Variants in C16orf95 observed in about 807,000 individuals in gnomAD.
C16orf95 encodes chromosome 16 open reading frame 95.
C16orf95 carries 41 observed loss-of-function variants against 32.1 expected under a neutral mutation model. The ratio of observed to expected loss-of-function variants is 1.28; its 90% CI spans 1.00 to 1.66. The LOEUF is 1.66. Among genes scored for constraint, C16orf95 ranks in the 40% most tolerant of loss-of-function variants. The pLI, the probability that C16orf95 is intolerant of heterozygous loss-of-function variation, is 0.00. For missense variants in C16orf95, 399 were observed against 325.9 expected (o/e 1.22, Z -1.73); for synonymous variants, 147 against 128.9 (o/e 1.14, Z -0.95).
At chr16:87,316,714 C>G (rs538121090) in intron 1 of C16orf95, among the ~76,000 whole-genome samples, 1 of 152,044 alleles carries the variant, frequency 6.6e-6, no homozygotes, top group African/African-American at 2.4e-5. Flanking sequence ...ACTGCCCAGC[C>G]TGGAAAGCTG....
At chr16:87,304,291 A>G (rs4448950) in intron 6 of C16orf95, among the ~76,000 whole-genome samples, 106 of 87,408 alleles carry the variant, frequency 1.2e-3, no homozygotes, top group African/African-American at 4.8e-3. Flanking sequence ...ATCCAGGTGT[A>G]GGCCACCACA....
At chr16:87,315,224 T>C (rs1904310033) in intron 2 of C16orf95, 128 bp from the exon 3 acceptor site, 2 of 982,312 alleles carry the variant, frequency 2.0e-6, no homozygotes, top group African/African-American at 1.6e-5. Context: ...CAGCTCCTAC[T>C]GCAGCTTGGA....
In C16orf95 at chr16:87,303,074, G is replaced by C; in HGVS notation, c.703C>G (p.Gln235Glu). ...TTCCAACTTCAAACCCCAAAACACT[G>C]GCTGGAAAGCAAAGAGAGACAGTTA... Reference protein sequence around the residue: ...AIPRVIMAIRQCFGV With the variant: ...AIPRVIMAIRECFGV Residue 235 changes from glutamine (Q) to glutamate (E), a missense_variant and splice_region_variant, in exon 7 of 7, where the codon CAG becomes GAG. Gln to Glu is a conservative substitution (Grantham distance 29). Transcript: ENST00000567970. The C allele has an allele frequency of 6.5e-7, 1 of 1,536,066 alleles. No homozygotes were observed. Among genetic ancestry groups the C allele is most frequent in the South Asian group, 1.2e-5 (1 of 84,060 alleles).
chr16:87,306,063 G>GATAAAGGCC, intron 5 of C16orf95, 158 bp from the exon 6 acceptor site: 1 of 482,124 alleles, frequency 2.1e-6, no homozygotes, highest in Non-Finnish European at 3.5e-6. Context: ...GAGCTCACGA[G>GATAAAGGCC]ATAAAGGCCG....
Position 87,315,133 on chromosome 16 carries a change from T to C in C16orf95, c.205-37A>G, listed in dbSNP as rs1324609850. On this transcript the variant is annotated intron_variant, in intron 2 of 6. Coordinates refer to ENST00000567970, the MANE Select transcript of C16orf95 (RefSeq NM_001195124.3). ...CCAGAAATGACAGAACTGAGCTTGA[T>C]GCTGCATTTGCAGGGAGACAGGAGG... 3.9e-6 allele frequency: 6 copies of C among 1,531,584 alleles called. No individual in the cohort carries two copies. In the Admixed American group the frequency reaches 7.9e-5, roughly 20 times the overall value. 94.9% of individuals were successfully genotyped at this position (1,531,584 alleles called of 1,614,324 possible). A position where few individuals can be genotyped will look rare whatever the true frequency, so the allele number is the denominator to read the frequency against.
intron 6 of C16orf95, 64 bp from the exon 7 acceptor site, chr16:87,303,139 G>C: frequency 6.6e-7 from 1 of 1,506,260 alleles, no homozygotes; most frequent in Non-Finnish European, 8.9e-7. Flanking sequence ...TGCCCTCAGC[G>C]CGTGCCCTTG....
chr16:87,317,079 G>A lies in C16orf95; in HGVS notation c.152+12C>T. ...GTCGGGTAGCCGCGGGCAGGATTCA[G>A]GACTCACTTGCCTGCCATCCTGCGC... On this transcript the variant is annotated intron_variant, in intron 1 of 6. Transcript: ENST00000567970. 1 of 1,513,210 alleles carries A rather than the reference G, an allele frequency of 6.6e-7. No homozygotes were observed. The highest frequency in any genetic ancestry group is 8.8e-7 in the Non-Finnish European group (1 of 1,133,346). The allele number at this position is 1,513,210 out of a possible 1,614,324, so 93.7% of individuals were successfully genotyped here.
At chr16:87,316,436 A>T (rs1255192821) in intron 1 of C16orf95, among the ~76,000 whole-genome samples, 1 of 152,166 alleles carries the variant, frequency 6.6e-6, no homozygotes, top group Admixed American at 6.5e-5. Context: ...AGTGGGTCAA[A>T]GTGCTTTGTA....
At chr16:87,307,881 C>G (rs1911096925) in intron 5 of C16orf95, among the ~76,000 whole-genome samples, 1 of 152,228 alleles carries the variant, frequency 6.6e-6, no homozygotes, top group South Asian at 2.1e-4. Flanking sequence ...CTTGAAAGAG[C>G]TGAGGGTCCT....
At chr16:87,311,804 T>A (rs760783371) in intron 3 of C16orf95, among the ~76,000 whole-genome samples, 5 of 152,230 alleles carry the variant, frequency 3.3e-5, no homozygotes, top group Non-Finnish European at 5.9e-5. Context: ...CAAAGTGTCC[T>A]ATGCACAGAA....
At chr16:87,308,523 C>T (rs1360998593) in intron 5 of C16orf95, among the ~76,000 whole-genome samples, 7 of 149,998 alleles carry the variant, frequency 4.7e-5, no homozygotes, top group African/African-American at 1.7e-4. Context: ...AATAAATAAG[C>T]AGATGTTACC....
rs151190753 is a variant in C16orf95, at chr16:87,309,004, C to T, written c.514+1293G>A. Among the ~76,000 whole-genome samples, 58 of 152,292 alleles carry T rather than the reference C, an allele frequency of 3.8e-4. No individual in the cohort carries two copies. In the South Asian group the frequency reaches 0.011, roughly 30 times the overall value. ...TCACAAACTGATGTGGATGGGCTGGCGATGCAGGCTGCACCTTCAACATCG... is the reference window on the plus strand; with the variant it reads ...TCACAAACTGATGTGGATGGGCTGGTGATGCAGGCTGCACCTTCAACATCG... On this transcript the variant is annotated intron_variant, in intron 5 of 6. Coordinates refer to ENST00000567970, the MANE Select transcript of C16orf95 (RefSeq NM_001195124.3).
chr16:87,316,770 C>T (rs1343598321), intron 1 of C16orf95, among the ~76,000 whole-genome samples: 1 of 152,154 alleles, frequency 6.6e-6, no homozygotes. Context: ...AATCTGATAA[C>T]ATGTAAACCT....
chr16:87,303,010 T>C lies in C16orf95; in HGVS notation c.*47A>G, dbSNP rs1449185479. The stretch of plus-strand genomic sequence containing the variant: ...GGTGGACTCTCAAAGATCTTGATCG[T>C]GACACATTTTTGTGGCTGTTCTTGA... On this transcript the variant is annotated 3_prime_UTR_variant, in exon 7 of 7. Coordinates refer to ENST00000567970, the MANE Select transcript of C16orf95 (RefSeq NM_001195124.3). The C allele has an allele frequency of 6.5e-7, 1 of 1,531,528 alleles. No individual in the cohort carries two copies. Among genetic ancestry groups the C allele is most frequent in the Admixed American group, 2.0e-5 (1 of 50,996 alleles). The allele number at this position is 1,531,528 out of a possible 1,614,324, so 94.9% of individuals were successfully genotyped here.
At chr16:87,313,504 C>A (rs974608666) in intron 3 of C16orf95, among the ~76,000 whole-genome samples, 19 of 152,080 alleles carry the variant, frequency 1.2e-4, no homozygotes, top group African/African-American at 4.6e-4. Context: ...GAGGCCGAGG[C>A]GGGTGGGTCA....
rs1335521429 is a variant in C16orf95 at position 87,305,938 on chromosome 16, C to T, written c.515-33G>A. 6 of 1,386,590 alleles carry T rather than the reference C, an allele frequency of 4.3e-6. No individual in the cohort carries two copies. Among genetic ancestry groups the T allele is most frequent in the South Asian group, 3.1e-5 (2 of 64,042 alleles). 85.9% of individuals were successfully genotyped at this position (1,386,590 alleles called of 1,614,324 possible). A position where few individuals can be genotyped will look rare whatever the true frequency, so the allele number is the denominator to read the frequency against. ...AAGAAAAGGTGGGTTGAGGACAGGGCGTGTTCTCCGGGACTCTGTGAGCCA... is the reference window on the plus strand; with the variant it reads ...AAGAAAAGGTGGGTTGAGGACAGGGTGTGTTCTCCGGGACTCTGTGAGCCA... On this transcript the variant is annotated intron_variant, in intron 5 of 6. Transcript: ENST00000567970. The surrounding 1 kb of genome is among the most constrained non-coding windows in gnomAD (Gnocchi z 4.2).
In C16orf95 at chr16:87,317,293, C is replaced by T; in HGVS notation, c.-51G>A. On this transcript the variant is annotated 5_prime_UTR_variant, in exon 1 of 7. Transcript: ENST00000567970. ...TTTCACACACACATCGTCCGCAGGC[C>T]CTGACGCCCTGGCTCCCGCCTTTCC... 1.4e-6 allele frequency: 2 copies of T among 1,460,176 alleles called. No homozygotes were observed. The highest frequency in any genetic ancestry group is 1.8e-6 in the Non-Finnish European group (2 of 1,105,022). The allele number at this position is 1,460,176 out of a possible 1,614,324, so 90.5% of individuals were successfully genotyped here. A position where few individuals can be genotyped will look rare whatever the true frequency, so the allele number is the denominator to read the frequency against.
Position 87,317,381 on chromosome 16 carries a change from G to C in C16orf95, c.-139C>G, listed in dbSNP as rs1434015538. On this transcript the variant is annotated 5_prime_UTR_variant, in exon 1 of 7. Transcript: ENST00000567970. ...CAGCCCCAACCTCAACCGCTCAGAG[G>C]AGCCCAACAACGCCCGCGCGCCCGC... is the stretch of plus-strand genomic sequence containing the variant. 7.2e-7 allele frequency: 1 copy of C among 1,395,428 alleles called. No individual in the cohort carries two copies. Among genetic ancestry groups the C allele is most frequent in the South Asian group, 1.6e-5 (1 of 62,210 alleles). The allele number at this position is 1,395,428 out of a possible 1,614,324, so 86.4% of individuals were successfully genotyped here.
chr16:87,303,438 C>A (rs1182111593), intron 6 of C16orf95: 3 of 229,940 alleles, frequency 1.3e-5, no homozygotes, highest in African/African-American at 4.4e-5. Context: ...TCTCCCCCCA[C>A]CCCCGGCTGC....
Sources: allele counts gnomAD v4.1 joint callset (sites outside exome capture counted in the v4.1 genomes callset), GRCh38; gene constraint gnomAD v4.1.1; non-coding constraint Gnocchi (gnomAD v3.1); transcripts MANE v1.5; gene names NCBI Gene and HGNC (gene_info 2026-07-23, HGNC 2026-07-21).